Variants in TRPV3 observed in about 807,000 individuals in gnomAD.
TRPV3 encodes transient receptor potential cation channel subfamily V member 3, also known as VRL-3.
A neutral mutation model predicts 87.1 loss-of-function variants in TRPV3; 88 were observed. The ratio of observed to expected loss-of-function variants is 1.01; its 90% CI spans 0.85 to 1.21. The LOEUF (loss-of-function observed/expected upper bound fraction) is 1.21, where lower values mean the gene tolerates loss of function less well. Ranked by LOEUF, TRPV3 falls within the 50% of genes most tolerant of loss-of-function variation. TRPV3 has a pLI of 0.00. For synonymous variants in TRPV3, 438 were observed against 423.3 expected, an observed-to-expected ratio of 1.03 and a Z score of -0.43; for missense variants, 1,054 against 1,030.1, an observed-to-expected ratio of 1.02 and a Z score of -0.32.
chr17:3,551,430 G>A (rs974730124), intron 2 of TRPV3, among the ~76,000 whole-genome samples: 1 of 152,244 alleles, frequency 6.6e-6, no homozygotes, highest in African/African-American at 2.4e-5. Flanking sequence ...GGTGCTGTTT[G>A]TTTCTTCCTT....
rs929096091 is a variant in TRPV3, at chr17:3,554,510, C to T, written c.119+222G>A. The T allele has an allele frequency of 2.9e-5, 14 of 475,952 alleles. No individual in the cohort carries two copies. The Admixed American group carries it at 4.9e-4, about 17-fold the overall frequency. The allele number at this position is 475,952 out of a possible 1,614,324, so 29.5% of individuals were successfully genotyped here. A position where few individuals can be genotyped will look rare whatever the true frequency, so the allele number is the denominator to read the frequency against. The stretch of plus-strand genomic sequence containing the variant: ...CCCCGATCCCTCCAAGGAGGCTTCC[C>T]TAATTGTGCCAGTCACACTGACTAC... On this transcript the variant is annotated intron_variant, in intron 2 of 17. Transcript: ENST00000576742.
chr17:3,528,804 G>A lies in TRPV3; in HGVS notation c.1401+33C>T, dbSNP rs1436934843. On this transcript the variant is annotated intron_variant, in intron 10 of 17. Coordinates refer to ENST00000576742, the MANE Select transcript of TRPV3 (RefSeq NM_145068.4). This position sits in a 1 kb window ranked among gnomAD's most constrained non-coding sequence, Gnocchi z 4.2. ...GCTCCAAGCCCCTCCAGCTCTGACG[G>A]CCCCATTTTCCCCCTCCAAGGGGCC... 6.2e-7 allele frequency: 1 copy of A among 1,612,720 alleles called. No homozygotes were observed. The highest frequency in any genetic ancestry group is 1.7e-5 in the Admixed American group (1 of 59,940).
In TRPV3 at chr17:3,535,618, C is replaced by T. The variant is rs2074402121; in HGVS notation, c.739G>A (p.Gly247Arg). Residue 247 changes from glycine to arginine, a missense_variant, in exon 7 of 18, where the codon GGG becomes AGG. Physicochemically the swap from Gly to Arg is moderately radical, Grantham distance 125. Transcript: ENST00000576742. ...AGADVNAHAK[G>R]AFFNPKYQHE... ...TGGTACTTGGGGTTGAAGAAGGCCC[C>T]CTTGGCGTGCGCGTTGACGTCGGCG... 2 of 1,609,730 alleles carry T rather than the reference C, an allele frequency of 1.2e-6. No individual in the cohort carries two copies. Among genetic ancestry groups the T allele is most frequent in the East Asian group, 2.3e-5 (1 of 44,096 alleles).
At chr17:3,535,235 C>T (rs1438014594) in intron 7 of TRPV3, among the ~76,000 whole-genome samples, 1 of 111,964 alleles carries the variant, frequency 8.9e-6, no homozygotes, top group Non-Finnish European at 1.9e-5. Flanking sequence ...CTCCCTCCTC[C>T]CTCCCTCCCC....
chr17:3,525,609 T>C (rs1157237437), intron 12 of TRPV3, among the ~76,000 whole-genome samples: 1 of 150,528 alleles, frequency 6.6e-6, no homozygotes, highest in Non-Finnish European at 1.5e-5. Flanking sequence ...TATGTGTATT[T>C]TACCACAATT....
intron 6 of TRPV3, among the ~76,000 whole-genome samples, chr17:3,541,779 T>C (rs1401847969): frequency 6.6e-6 from 1 of 152,230 alleles, no homozygotes; most frequent in Non-Finnish European, 1.5e-5. Context: ...CCCTGATCCT[T>C]CTCATCATGT....
rs8066242 is a variant in TRPV3 at position 3,543,546 on chromosome 17, C to T, written c.394G>A (p.Val132Met). The change falls in exon 5 of 18, where the codon GTG becomes ATG. Residue 132 changes from valine to methionine, a missense_variant. Physicochemically the swap from Val to Met is conservative, Grantham distance 21. Coordinates refer to ENST00000576742, the MANE Select transcript of TRPV3 (RefSeq NM_145068.4). ...ACCAGCAACTCTACCAACTCCTCCA[C>T]GCAGCCCTCAGACACGGCTGCAAAG... ...RIFAAVSEGC[V>M]EELVELLVEL... 0.011 allele frequency: 17,584 copies of T among 1,614,096 alleles called. 1,628 individuals carry two copies. The African/African-American group carries it at 0.2, about 19-fold the overall frequency.
intron 12 of TRPV3, among the ~76,000 whole-genome samples, chr17:3,525,830 G>A (rs572901401): frequency 6.6e-6 from 1 of 151,966 alleles, no homozygotes; most frequent in Admixed American, 6.6e-5. Flanking sequence ...CACCAGACTG[G>A]TCTCAAACTC....
intron 2 of TRPV3, among the ~76,000 whole-genome samples, chr17:3,547,641 A>G (rs2074539012): frequency 6.6e-6 from 1 of 151,614 alleles, no homozygotes; most frequent in Non-Finnish European, 1.5e-5. Flanking sequence ...GCTGATCTAG[A>G]GCAGGGAGGA....
In TRPV3 at chr17:3,556,643, C is replaced by T. The variant is rs2074635764; in HGVS notation, c.-3+1033G>A. 1.3e-5 allele frequency among the ~76,000 whole-genome samples: 2 copies of T among 152,092 alleles called. No homozygotes were observed. The highest frequency in any genetic ancestry group is 1.3e-4 in the Admixed American group (2 of 15,276). The stretch of plus-strand genomic sequence containing the variant: ...AGGTGTCATCAGGCTGGAGAGAGTC[C>T]CCCGCCCTCCAACTCAAAGGGAGCA... On this transcript the variant is annotated intron_variant, in intron 1 of 17. Coordinates refer to ENST00000576742, the MANE Select transcript of TRPV3 (RefSeq NM_145068.4). This position sits in a 1 kb window ranked among gnomAD's most constrained non-coding sequence, Gnocchi z 4.2.
chr17:3,526,798 A>G (rs2074303975), intron 12 of TRPV3, 56 bp downstream of exon 12: 1 of 1,416,794 alleles, frequency 7.1e-7, no homozygotes, highest in Non-Finnish European at 9.9e-7. Context: ...GGCAGCCACC[A>G]TACAGGACGT....
In TRPV3 at chr17:3,518,806, A is replaced by AGTCCTT. The variant is rs1360620205; in HGVS notation, c.1849_1854dup (p.Lys617_Asp618dup). On this transcript the variant is annotated inframe_insertion, in exon 15 of 18. Transcript: ENST00000576742. The surrounding 1 kb of genome is among the most constrained non-coding windows in gnomAD (Gnocchi z 4.3). ...TCGCTGAAGCTGCCGTAGGAGCTGC[A>AGTCCTT]GTCCTTGTTGTCTTTGGGACACTTC... 12 of 1,614,068 alleles carry AGTCCTT rather than the reference A, an allele frequency of 7.4e-6. No homozygotes were observed. Among genetic ancestry groups the AGTCCTT allele is most frequent in the Admixed American group, 1.7e-5 (1 of 60,002 alleles).
intron 5 of TRPV3, 39 bp downstream of exon 5, chr17:3,543,435 C>T (rs1198172312): frequency 1.2e-6 from 2 of 1,602,886 alleles, no homozygotes; most frequent in Non-Finnish European, 1.7e-6. Flanking sequence ...CCAAGCAGGG[C>T]CCCCAGCCCT....
At position 3,545,238 on chromosome 17, in the gene TRPV3, T is replaced by A; in HGVS notation, c.153A>T (p.Glu51Asp). Residue 51 changes from glutamate (E) to aspartate (D), a missense_variant, in exon 3 of 18, where the codon GAA becomes GAT. Glu to Asp is a conservative substitution (Grantham distance 45, BLOSUM62 2). Transcript: ENST00000576742. ...AHFFLEIEGFEPNPTVAKTSP... is the reference protein window; with the variant it reads ...AHFFLEIEGFDPNPTVAKTSP... ...AGGTCTTGGCAACTGTGGGGTTGGG[T>A]TCAAACCCTTCTATCTCCAGGAAGA... 1 of 1,613,738 alleles carries A rather than the reference T, an allele frequency of 6.2e-7. No individual in the cohort carries two copies. The highest frequency in any genetic ancestry group is 2.2e-5 in the East Asian group (1 of 44,868).
In TRPV3 at chr17:3,530,354, C is replaced by T. The variant is rs1004610913; in HGVS notation, c.1066-151G>A. On this transcript the variant is annotated intron_variant, in intron 8 of 17. Coordinates refer to ENST00000576742, the MANE Select transcript of TRPV3 (RefSeq NM_145068.4). This position sits in a 1 kb window ranked among gnomAD's most constrained non-coding sequence, Gnocchi z 4.0. ...TGCGCCTGGCGCCATGGCCCCTGGG[C>T]CCCGTCTTTATCTGTGGAATGCGCA... 7.2e-6 allele frequency: 5 copies of T among 692,152 alleles called. No individual in the cohort carries two copies. Among genetic ancestry groups the T allele is most frequent in the Non-Finnish European group, 1.2e-5 (5 of 430,484 alleles). 42.9% of individuals were successfully genotyped at this position (692,152 alleles called of 1,614,324 possible). A position where few individuals can be genotyped will look rare whatever the true frequency, so the allele number is the denominator to read the frequency against.
chr17:3,557,641 G>A lies in TRPV3; in HGVS notation c.-3+35C>T, dbSNP rs2074645696. 6.6e-6 allele frequency: 1 copy of A among 152,254 alleles called. No homozygotes were observed. Among genetic ancestry groups the A allele is most frequent in the Non-Finnish European group, 1.5e-5 (1 of 68,112 alleles). The allele number at this position is 152,254 out of a possible 1,614,324, so 9.4% of individuals were successfully genotyped here. Reference sequence around the variant, plus strand: ...CGCTCTGGGCTCCCCAGGGGCCTTGGAGATCACCAGCTGCCTTGTGCACAG... The same window carrying A: ...CGCTCTGGGCTCCCCAGGGGCCTTGAAGATCACCAGCTGCCTTGTGCACAG... On this transcript the variant is annotated intron_variant, in intron 1 of 17. Coordinates refer to ENST00000576742, the MANE Select transcript of TRPV3 (RefSeq NM_145068.4). The surrounding 1 kb of genome is among the most constrained non-coding windows in gnomAD (Gnocchi z 4.5).
At chr17:3,550,745 T>C (rs1015316066) in intron 2 of TRPV3, among the ~76,000 whole-genome samples, 1 of 152,010 alleles carries the variant, frequency 6.6e-6, no homozygotes, top group Non-Finnish European at 1.5e-5. Context: ...AGGATGGTCT[T>C]GATCTCCTGA....
intron 13 of TRPV3, among the ~76,000 whole-genome samples, chr17:3,522,553 T>G (rs1005749112): frequency 6.7e-6 from 1 of 149,338 alleles, no homozygotes; most frequent in Non-Finnish European, 1.5e-5. Flanking sequence ...ATTTGTTGAT[T>G]CCCCCCCCCA....
chr17:3,535,119 CG>C lies in TRPV3; in HGVS notation c.784+453del, dbSNP rs2074386555. 3.9e-5 allele frequency among the ~76,000 whole-genome samples: 6 copies of C among 151,926 alleles called. 1 individual carries two copies. The South Asian group carries it at 1.2e-3, about 32-fold the overall frequency. On this transcript the variant is annotated intron_variant, in intron 7 of 17. Coordinates refer to ENST00000576742, the MANE Select transcript of TRPV3 (RefSeq NM_145068.4). ...GGGACAGTGTGGGTGGAGCTCAAAG[CG>C]GGGTGGCCCCTCCCTTCCTCCCTCC...
Sources: gnomAD v4.1 joint callset for allele counts (sites outside exome capture counted in the v4.1 genomes callset) on GRCh38, gnomAD v4.1.1 for gene constraint, Gnocchi (gnomAD v3.1) non-coding constraint, MANE v1.5 for transcripts, NCBI Gene and HGNC (gene_info 2026-07-23, HGNC 2026-07-21) for gene names.